PRKCB: variants seen among roughly 807,000 people sequenced by gnomAD.
PRKCB encodes protein kinase C beta, also known as protein kinase C beta type.
PRKCB carries 13 observed loss-of-function variants against 81.5 expected under a neutral mutation model. That is an observed-to-expected ratio of 0.16 (90% CI 0.10 to 0.25). The LOEUF is 0.25. PRKCB is among the 10% of genes least tolerant of loss of function. The pLI is 1.00. For missense variants in PRKCB, 509 were observed against 875.7 expected (o/e 0.58, Z 5.29); for synonymous variants, 335 against 321.4 (o/e 1.04, Z -0.45).
chr16:24,176,916 A>G (rs1394116962), intron 12 of PRKCB, among the ~76,000 whole-genome samples: 1 of 151,600 alleles, frequency 6.6e-6, no homozygotes, highest in East Asian at 1.9e-4. Context: ...AAAAAAGTAC[A>G]CATGATCCGC....
At position 24,214,768 on chromosome 16, in the gene PRKCB, A is replaced by G; in HGVS notation, c.1974A>G (p.Gly658=). 1 of 1,614,106 alleles carries G rather than the reference A, an allele frequency of 6.2e-7. No individual in the cohort carries two copies. The highest frequency in any genetic ancestry group is 1.1e-5 in the South Asian group (1 of 91,072). Residue 658 remains glycine (G), a synonymous_variant, in exon 17 of 17, where the codon GGA becomes GGG. Coordinates refer to ENST00000643927, the MANE Select transcript of PRKCB (RefSeq NM_002738.7). ...IRNIDQSEFE[G]FSFVNSEFLK... ...ATATTGACCAATCAGAATTCGAAGG[A>G]TTTTCCTTTGTTAACTCTGAATTTT... is the stretch of plus-strand genomic sequence containing the variant.
intron 10 of PRKCB, among the ~76,000 whole-genome samples, chr16:24,168,714 CTATTTTTT>C (rs1967391087): frequency 8.3e-6 from 1 of 120,852 alleles, no homozygotes. Flanking sequence ...CCATGCCTGG[CTATTTTTT>C]TTTTTTTTTT....
intron 10 of PRKCB, among the ~76,000 whole-genome samples, chr16:24,164,892 G>T (rs1475282152): frequency 6.6e-6 from 1 of 152,166 alleles, no homozygotes; most frequent in African/African-American, 2.4e-5. Context: ...GGAGGAATGG[G>T]GAACAAAGGC....
chr16:23,842,444 A>G (rs1372645442), intron 2 of PRKCB, among the ~76,000 whole-genome samples: 1 of 152,230 alleles, frequency 6.6e-6, no homozygotes, highest in Non-Finnish European at 1.5e-5. Flanking sequence ...TTGTTAAATG[A>G]CTAGGCCTCT....
At chr16:24,021,009 T>TTTCC (rs1965359833) in intron 3 of PRKCB, among the ~76,000 whole-genome samples, 1 of 138,000 alleles carries the variant, frequency 7.2e-6, no homozygotes, top group Non-Finnish European at 1.6e-5. Flanking sequence ...TCTTTCTTTC[T>TTTCC]TTCTTTCTTT....
At chr16:24,115,212 G>A (rs1247836259) in intron 8 of PRKCB, among the ~76,000 whole-genome samples, 1 of 147,460 alleles carries the variant, frequency 6.8e-6, no homozygotes, top group Non-Finnish European at 1.5e-5. Flanking sequence ...TTTATCCCAA[G>A]AGTATTTATC....
rs189252078 is a variant in PRKCB, at chr16:24,215,073, C to T, written c.*257C>T. The T allele has an allele frequency of 2.4e-5, 29 of 1,216,128 alleles. No individual in the cohort carries two copies. In the East Asian group the frequency reaches 6.9e-4, roughly 29 times the overall value. The allele number at this position is 1,216,128 out of a possible 1,614,324, so 75.3% of individuals were successfully genotyped here. ...AAGTCCTCTTACAATTTATTTTCCG[C>T]AGCATGTCAGCTAAGTAGACCCAAT... On this transcript the variant is annotated 3_prime_UTR_variant, in exon 17 of 17. Coordinates refer to ENST00000643927, the MANE Select transcript of PRKCB (RefSeq NM_002738.7).
At position 24,142,738 on chromosome 16, in the gene PRKCB, G is replaced by A. The variant is rs1051702717; in HGVS notation, c.1066-11946G>A. Among the ~76,000 whole-genome samples, 3 of 152,198 alleles carry A rather than the reference G, an allele frequency of 2.0e-5. No individual in the cohort carries two copies. In the South Asian group the frequency reaches 6.2e-4, roughly 32 times the overall value. On this transcript the variant is annotated intron_variant, in intron 9 of 16. Transcript: ENST00000643927. ...GATCATATTTGCCTTAAAACTTGGA[G>A]TTGAGCTCATCTGACCTACCCTCTG...
intron 3 of PRKCB, among the ~76,000 whole-genome samples, chr16:23,999,631 T>G (rs964065038): frequency 6.6e-6 from 1 of 152,176 alleles, no homozygotes; most frequent in Admixed American, 6.5e-5. Context: ...AATCCTCAAT[T>G]CATCTGTCTC....
In PRKCB at chr16:24,219,962, G is replaced by C. The variant is rs1433661843; in HGVS notation, c.*5146G>C. On this transcript the variant is annotated 3_prime_UTR_variant, in exon 17 of 17. Transcript: ENST00000643927. The stretch of plus-strand genomic sequence containing the variant: ...ATGTGTTTACTTTCCATTTGGCAGA[G>C]AGACAAGAGAGACACCTCCAACTTC... 6.2e-7 allele frequency: 1 copy of C among 1,613,792 alleles called. No homozygotes were observed. Among genetic ancestry groups the C allele is most frequent in the Non-Finnish European group, 8.5e-7 (1 of 1,179,936 alleles).
chr16:24,034,369 C>T (rs1385581298), intron 4 of PRKCB, among the ~76,000 whole-genome samples: 1 of 152,322 alleles, frequency 6.6e-6, no homozygotes, highest in Non-Finnish European at 1.5e-5. Context: ...GACTTGGCCT[C>T]TCCTTCTGGC....
rs1168912185 is a variant in PRKCB at position 23,902,809 on chromosome 16, C to A, written c.205+65403C>A. On this transcript the variant is annotated intron_variant, in intron 2 of 16. Coordinates refer to ENST00000643927, the MANE Select transcript of PRKCB (RefSeq NM_002738.7). ...CCCTCCCTCCCTCCCTTCCTTCCTT[C>A]CTTCCTTTTTTTGAGATAGGGTCTC... 3.3e-5 allele frequency among the ~76,000 whole-genome samples: 4 copies of A among 121,128 alleles called. 1 individual carries two copies. Among genetic ancestry groups the A allele is most frequent in the African/African-American group, 1.3e-4 (4 of 31,250 alleles). The allele number at this position is 121,128 out of a possible 152,430, so 79.5% of individuals were successfully genotyped here. A position where few individuals can be genotyped will look rare whatever the true frequency, so the allele number is the denominator to read the frequency against.
At chr16:24,040,598 C>T (rs1244665112) in intron 5 of PRKCB, among the ~76,000 whole-genome samples, 2 of 152,170 alleles carry the variant, frequency 1.3e-5, no homozygotes, top group Admixed American at 6.5e-5. Context: ...ACTCCCAGCA[C>T]CTAGCAAGGT....
intron 16 of PRKCB, among the ~76,000 whole-genome samples, chr16:24,213,983 A>G (rs891388319): frequency 6.6e-6 from 1 of 152,164 alleles, no homozygotes; most frequent in Admixed American, 6.5e-5. Context: ...TGAAGAGGGA[A>G]TGGCTGAATT....
intron 2 of PRKCB, among the ~76,000 whole-genome samples, chr16:23,873,202 A>AAGAAAAAAAG (rs1555480620): frequency 1.5e-3 from 129 of 83,384 alleles, no homozygotes; most frequent in African/African-American, 5.8e-3. Context: ...AAAAAAAAAA[A>AAGAAAAAAAG]AAAAAAAGAA....
intron 9 of PRKCB, among the ~76,000 whole-genome samples, chr16:24,128,298 C>T (rs901883251): frequency 6.6e-6 from 1 of 152,162 alleles, no homozygotes; most frequent in African/African-American, 2.4e-5. Flanking sequence ...TCGCTTGAAC[C>T]GAGGAGGCGG....
chr16:23,857,335 T>C (rs1467765922), intron 2 of PRKCB, among the ~76,000 whole-genome samples: 1 of 152,146 alleles, frequency 6.6e-6, no homozygotes, highest in South Asian at 2.1e-4. Flanking sequence ...GAGAAAGAAG[T>C]GTTTTATGAG....
chr16:24,079,018 G>A (rs113922489), intron 5 of PRKCB, among the ~76,000 whole-genome samples: 4,505 of 152,232 alleles, frequency 0.03, 213 homozygotes, highest in African/African-American at 0.1. Flanking sequence ...TGACCTGCAC[G>A]TATACATCCA....
chr16:23,967,642 CT>C (rs1245605786), intron 2 of PRKCB, among the ~76,000 whole-genome samples: 1 of 151,342 alleles, frequency 6.6e-6, no homozygotes, highest in East Asian at 1.9e-4. Flanking sequence ...TCTTTCTTTC[CT>C]CTTTTTTGTT....
Sources: allele counts gnomAD v4.1 joint callset (sites outside exome capture counted in the v4.1 genomes callset), GRCh38; gene constraint gnomAD v4.1.1; transcripts MANE v1.5; gene names NCBI Gene and HGNC (gene_info 2026-07-23, HGNC 2026-07-21).